ESRRG: variants seen among roughly 807,000 people sequenced by gnomAD.
ESRRG encodes the protein estrogen related receptor gamma.
Under a neutral mutation model 44.0 loss-of-function variants are expected in ESRRG, and 13 were observed. That is an observed-to-expected ratio of 0.30 (90% CI 0.19 to 0.47). The LOEUF is 0.47. Among genes scored for constraint, ESRRG ranks in the 20% least tolerant of loss-of-function variants. The pLI is 1.00. For synonymous variants in ESRRG, 215 were observed against 214.6 expected, an observed-to-expected ratio of 1.00 and a Z score of -0.02; for missense variants, 395 against 580.6, an observed-to-expected ratio of 0.68 and a Z score of 3.29.
chr1:216,718,848 C>T (rs568246640), intron 1 of ESRRG, among the ~76,000 whole-genome samples: 3 of 152,108 alleles, frequency 2.0e-5, no homozygotes, highest in African/African-American at 7.2e-5. Context: ...GCTGCAATGA[C>T]TCTAAAGTTC....
chr1:216,685,969 A>C (rs1368217207), intron 1 of ESRRG: 1 of 152,246 alleles, frequency 6.6e-6, no homozygotes, highest in Admixed American at 6.5e-5. Context: ...GTTGAAATAA[A>C]GGTTGCTTCA....
intron 1 of ESRRG, among the ~76,000 whole-genome samples, chr1:217,025,681 C>A (rs1279110952): frequency 6.6e-6 from 1 of 152,178 alleles, no homozygotes; most frequent in Non-Finnish European, 1.5e-5. Flanking sequence ...TGGGTCCAAA[C>A]ACAGCCCCTA....
intron 2 of ESRRG, among the ~76,000 whole-genome samples, chr1:216,917,340 T>A (rs1434658520): frequency 6.6e-6 from 1 of 152,040 alleles, no homozygotes; most frequent in East Asian, 1.9e-4. Flanking sequence ...AGTGTGAGTA[T>A]AAAAGACATG....
chr1:217,035,302 C>T (rs1167219381), intron 1 of ESRRG, among the ~76,000 whole-genome samples: 1 of 129,194 alleles, frequency 7.7e-6, no homozygotes, highest in African/African-American at 3.0e-5. Flanking sequence ...CCTGGGCAGC[C>T]TAGCGAGACT....
At chr1:216,596,692 C>T (rs1170127237) in intron 3 of ESRRG, among the ~76,000 whole-genome samples, 1 of 152,190 alleles carries the variant, frequency 6.6e-6, no homozygotes, top group Non-Finnish European at 1.5e-5. Flanking sequence ...GATGGCTAAA[C>T]CATTACAATG....
At chr1:216,720,615 A>G (rs564420042) in intron 1 of ESRRG, among the ~76,000 whole-genome samples, 1 of 152,114 alleles carries the variant, frequency 6.6e-6, no homozygotes, top group Non-Finnish European at 1.5e-5. Context: ...TGCCTATTTT[A>G]TCACCTATAA....
chr1:216,991,728 G>A (rs1210196059), intron 1 of ESRRG, among the ~76,000 whole-genome samples: 1 of 151,916 alleles, frequency 6.6e-6, no homozygotes, highest in East Asian at 1.9e-4. Context: ...AGGAAAGGGA[G>A]GTAGAGTGTG....
Position 216,810,802 on chromosome 1 carries a change from A to T in ESRRG, c.-14+128780T>A, listed in dbSNP as rs1398549150. 1.5e-4 allele frequency among the ~76,000 whole-genome samples: 23 copies of T among 148,728 alleles called. No individual in the cohort carries two copies. The East Asian group carries it at 4.1e-3, about 27-fold the overall frequency. On this transcript the variant is annotated intron_variant, in intron 2 of 7. Coordinates refer to the ESRRG transcript ENST00000359162. ...ACATGTATATTTAACTAATATATATAACTATGATATATATACATATATATA... is the reference window on the plus strand; with the variant it reads ...ACATGTATATTTAACTAATATATATTACTATGATATATATACATATATATA...
intron 1 of ESRRG, among the ~76,000 whole-genome samples, chr1:217,021,077 T>TACACACACACAC (rs71556671): frequency 4.6e-5 from 5 of 108,972 alleles, no homozygotes; most frequent in Non-Finnish European, 7.6e-5. Flanking sequence ...CACACACACA[T>TACACACACACAC]ACACACAGAG....
chr1:217,135,187 C>A (rs2093031712), intron 1 of ESRRG, among the ~76,000 whole-genome samples: 1 of 152,182 alleles, frequency 6.6e-6, no homozygotes, highest in Admixed American at 6.5e-5. Context: ...CGTCCCCTCC[C>A]CCAGCGCGCG....
chr1:216,848,832 C>T (rs1254504150), intron 2 of ESRRG, among the ~76,000 whole-genome samples: 2 of 151,790 alleles, frequency 1.3e-5, no homozygotes, highest in African/African-American at 2.4e-5. Context: ...GAAGAATCAC[C>T]GAGAAACATT....
At chr1:217,037,097 C>T (rs979993122) in intron 1 of ESRRG, among the ~76,000 whole-genome samples, 10 of 152,150 alleles carry the variant, frequency 6.6e-5, no homozygotes, top group African/African-American at 2.2e-4. Context: ...TGATCCTGCT[C>T]CCTGATAACA....
chr1:216,551,312 T>A (rs958300029), intron 5 of ESRRG, among the ~76,000 whole-genome samples: 1 of 152,110 alleles, frequency 6.6e-6, no homozygotes, highest in Non-Finnish European at 1.5e-5. Flanking sequence ...ATATTGCACA[T>A]GGTATTTTTG....
intron 2 of ESRRG, among the ~76,000 whole-genome samples, chr1:216,651,591 G>A (rs973360298): frequency 3.9e-5 from 6 of 152,062 alleles, no homozygotes; most frequent in African/African-American, 1.4e-4. Flanking sequence ...GCTCCTAGAG[G>A]GTAGGGACAG....
In ESRRG at chr1:217,009,236, G is replaced by A. The variant is rs528060890; in HGVS notation, c.-105-69563C>T. ...CCCAGCACAATGCAGGGCCCACAGC[G>A]GGATCTATATATTGGTCGACTTATT... On this transcript the variant is annotated intron_variant, in intron 1 of 7. Transcript: ENST00000359162. Among the ~76,000 whole-genome samples, 6 of 152,138 alleles carry A rather than the reference G, an allele frequency of 3.9e-5. No individual in the cohort carries two copies. In the South Asian group the frequency reaches 6.2e-4, roughly 16 times the overall value.
chr1:216,965,988 G>T (rs1246537250), intron 1 of ESRRG, among the ~76,000 whole-genome samples: 3 of 152,300 alleles, frequency 2.0e-5, no homozygotes, highest in African/African-American at 4.8e-5. Context: ...GGGCCTGAAA[G>T]TCTGCATTTC....
chr1:216,911,095 A>T (rs1159662549), intron 2 of ESRRG, among the ~76,000 whole-genome samples: 2 of 152,194 alleles, frequency 1.3e-5, no homozygotes, highest in African/African-American at 4.8e-5. Context: ...GTTATTTAAC[A>T]GTTGCAAAGA....
At chr1:216,947,755 T>G (rs555384273) in intron 1 of ESRRG, among the ~76,000 whole-genome samples, 1 of 152,308 alleles carries the variant, frequency 6.6e-6, no homozygotes, top group East Asian at 1.9e-4. Flanking sequence ...CCTCCTTTCC[T>G]TTAGCCATGG....
At chr1:216,775,327 T>C (rs1044737341) in intron 2 of ESRRG, among the ~76,000 whole-genome samples, 4 of 152,018 alleles carry the variant, frequency 2.6e-5, no homozygotes, top group Non-Finnish European at 4.4e-5. Context: ...ACTTTAATTA[T>C]CTCCATAATC....
Sources: allele counts gnomAD v4.1 joint callset (sites outside exome capture counted in the v4.1 genomes callset), GRCh38; gene constraint gnomAD v4.1.1; transcripts MANE v1.5; gene names NCBI Gene and HGNC (gene_info 2026-07-23, HGNC 2026-07-21).